ARHGAP11B: variants seen among roughly 807,000 people sequenced by gnomAD.
ARHGAP11B encodes the protein inactive Rho GTPase-activating protein 11B.
A neutral mutation model predicts 27.6 loss-of-function variants in ARHGAP11B; 14 were observed. The observed-to-expected ratio is 0.51, with a 90% CI of 0.34 to 0.79. The LOEUF (loss-of-function observed/expected upper bound fraction) is 0.79. Among genes scored for constraint, ARHGAP11B ranks in the 30% least tolerant of loss-of-function variants. ARHGAP11B has a pLI of 0.02. For missense variants in ARHGAP11B, 245 were observed against 320.1 expected (o/e 0.77, Z 1.79); for synonymous variants, 82 against 114.1 (o/e 0.72, Z 1.80).
At chr15:30,645,287 C>A (rs191479784) in intron 8 of ARHGAP11B, among the ~76,000 whole-genome samples, 92 of 151,580 alleles carry the variant, frequency 6.1e-4, no homozygotes, top group African/African-American at 2.1e-3. Context: ...GAAAATTATT[C>A]ATTGTGGCTA....
At chr15:30,647,999 A>G (rs545018102) in intron 10 of ARHGAP11B, among the ~76,000 whole-genome samples, 27 of 152,000 alleles carry the variant, frequency 1.8e-4, no homozygotes, top group African/African-American at 6.5e-4. Flanking sequence ...GTCTCTCTCT[A>G]TGTTGCCCAG....
In ARHGAP11B at chr15:30,635,760, C is replaced by G. The variant is rs1057128672; in HGVS notation, c.*3+127C>G. The G allele has an allele frequency of 6.8e-6, 6 of 877,800 alleles. 1 individual carries two copies. The Admixed American group carries it at 9.5e-5, about 14-fold the overall frequency. The allele number at this position is 877,800 out of a possible 1,614,324, so 54.4% of individuals were successfully genotyped here. A position where few individuals can be genotyped will look rare whatever the true frequency, so the allele number is the denominator to read the frequency against. Reference sequence around the variant, plus strand: ...TTAAAGCACAGCTGGAAAGATAGGACGTATGCGTGTAAAAAGTTAAAGCGA... The same window carrying G: ...TTAAAGCACAGCTGGAAAGATAGGAGGTATGCGTGTAAAAAGTTAAAGCGA... On this transcript the variant is annotated intron_variant, in intron 6 of 10. Coordinates refer to ENST00000428041, the Ensembl canonical transcript of ARHGAP11B.
At chr15:30,648,791 G>T (rs1264502842) in exon 11 of ARHGAP11B, 14 of 151,920 alleles carry the variant, frequency 9.2e-5, no homozygotes, top group Non-Finnish European at 1.8e-4. Flanking sequence ...ATTATTCTTC[G>T]ATGCTGGTAA....
chr15:30,633,125 ATTTC>A (rs1216105142), intron 2 of ARHGAP11B, among the ~76,000 whole-genome samples: 3 of 150,106 alleles, frequency 2.0e-5, no homozygotes, highest in African/African-American at 4.9e-5. Flanking sequence ...GAAGAGAGCT[ATTTC>A]TTTGGAGTAA....
chr15:30,638,787 A>G lies in ARHGAP11B; in HGVS notation c.*45A>G, dbSNP rs201714414. 2.0e-6 allele frequency: 3 copies of G among 1,487,800 alleles called. No homozygotes were observed. In the East Asian group the frequency reaches 7.6e-5, roughly 38 times the overall value. 92.2% of individuals were successfully genotyped at this position (1,487,800 alleles called of 1,614,324 possible). On this transcript the variant is annotated 3_prime_UTR_variant, in exon 7 of 11. Coordinates refer to ENST00000428041, the Ensembl canonical transcript of ARHGAP11B. ...ACTAAATAAATTTAAACCTAACAGA[A>G]CACCTTCTATTACACCTCAACAAGA...
At chr15:30,642,346 A>G (rs1211738780) in intron 7 of ARHGAP11B, among the ~76,000 whole-genome samples, 2 of 152,030 alleles carry the variant, frequency 1.3e-5, no homozygotes, top group Non-Finnish European at 2.9e-5. Context: ...ATTTCATAAT[A>G]TAAATGGTGT....
exon 1 of ARHGAP11B, chr15:30,626,480 A>G (rs2060207411): frequency 3.2e-6 from 1 of 315,736 alleles, no homozygotes; most frequent in Admixed American, 4.6e-5. Context: ...CAGGAAGTGG[A>G]GAGAATCTGG....
intron 10 of ARHGAP11B, among the ~76,000 whole-genome samples, chr15:30,648,087 C>T (rs1366720024): frequency 6.6e-6 from 1 of 152,000 alleles, no homozygotes; most frequent in African/African-American, 2.4e-5. Context: ...GAGTGAGCCA[C>T]TGCGCCAGGC....
intron 2 of ARHGAP11B, among the ~76,000 whole-genome samples, chr15:30,631,971 A>G (rs2060248717): frequency 2.0e-5 from 3 of 147,574 alleles, no homozygotes; most frequent in African/African-American, 2.5e-5. Flanking sequence ...ATTTTAGTAG[A>G]GATGGGGTTT....
chr15:30,644,766 T>A (rs1400774031), intron 8 of ARHGAP11B: 9 of 1,266,750 alleles, frequency 7.1e-6, no homozygotes, highest in Non-Finnish European at 1.0e-5. Flanking sequence ...ATATGAAATT[T>A]ATTCACAAAT....
intron 1 of ARHGAP11B, among the ~76,000 whole-genome samples, chr15:30,628,707 TGAA>T (rs2060224847): frequency 6.6e-6 from 1 of 152,102 alleles, no homozygotes; most frequent in Admixed American, 6.6e-5. Context: ...AATATTCTAA[TGAA>T]GAAATGTAGA....
At chr15:30,641,995 C>T (rs1275630168) in intron 7 of ARHGAP11B, among the ~76,000 whole-genome samples, 2 of 152,028 alleles carry the variant, frequency 1.3e-5, no homozygotes, top group Non-Finnish European at 2.9e-5. Flanking sequence ...GGATTACAGA[C>T]GTGAGCCACG....
chr15:30,628,062 CCTTTT>C (rs935120270), intron 1 of ARHGAP11B, among the ~76,000 whole-genome samples: 15 of 150,268 alleles, frequency 1.0e-4, no homozygotes, highest in Admixed American at 2.0e-4. Flanking sequence ...TTTTTTCACC[CCTTTT>C]CTTTTCTTTT....
chr15:30,641,008 T>G, intron 7 of ARHGAP11B, among the ~76,000 whole-genome samples: 1 of 151,882 alleles, frequency 6.6e-6, no homozygotes, highest in Non-Finnish European at 1.5e-5. Context: ...GCATTACATT[T>G]TCCCCAAGGA....
chr15:30,628,617 C>G (rs1441201502), intron 1 of ARHGAP11B, among the ~76,000 whole-genome samples: 1 of 152,042 alleles, frequency 6.6e-6, no homozygotes, highest in Non-Finnish European at 1.5e-5. Flanking sequence ...GCCACTTCAT[C>G]TAATGATAGT....
At chr15:30,630,567 T>C (rs1463552330) in intron 1 of ARHGAP11B, 136 bp from the exon 2 acceptor site, 18 of 1,484,292 alleles carry the variant, frequency 1.2e-5, no homozygotes, top group Non-Finnish European at 1.6e-5. Flanking sequence ...GAAATGATTA[T>C]TTTTGTCTTG....
chr15:30,644,427 A>G (rs2060333758), intron 7 of ARHGAP11B, among the ~76,000 whole-genome samples: 1 of 152,050 alleles, frequency 6.6e-6, no homozygotes, highest in African/African-American at 2.4e-5. Context: ...GCTTTATTTT[A>G]TTACAGATAT....
chr15:30,646,091 C>T lies in ARHGAP11B; in HGVS notation c.*143-23C>T, dbSNP rs142440152. The T allele has an allele frequency of 2.3e-4, 168 of 720,496 alleles. 4 individuals are homozygous for T. Among genetic ancestry groups the T allele is most frequent in the Middle Eastern group, 5.5e-4 (1 of 1,816 alleles). 44.6% of individuals were successfully genotyped at this position (720,496 alleles called of 1,614,324 possible). On this transcript the variant is annotated intron_variant, in intron 8 of 10. Coordinates refer to ENST00000428041, the Ensembl canonical transcript of ARHGAP11B. ...AGTTGTTTTTCTCATCATCATACTT[C>T]TGTTATTTTCTTTCCTTGGCAGTGG...
At position 30,635,192 on chromosome 15, in the gene ARHGAP11B, C is replaced by T. The variant is rs1430862541; in HGVS notation, c.660+4C>T. 3.1e-6 allele frequency: 5 copies of T among 1,612,462 alleles called. No homozygotes were observed. The highest frequency in any genetic ancestry group is 1.1e-5 in the South Asian group (1 of 91,042). On this transcript the variant is annotated splice_donor_region_variant and intron_variant, in intron 5 of 10. Coordinates refer to ENST00000428041, the Ensembl canonical transcript of ARHGAP11B. ...GTCTTCTAACGCAGAAAAGAAGGTA[C>T]GATTACAGGCTGCAGTAGTACAGAC... is the stretch of plus-strand genomic sequence containing the variant.
Sources: allele counts gnomAD v4.1 joint callset (sites outside exome capture counted in the v4.1 genomes callset), GRCh38; gene constraint gnomAD v4.1.1; transcripts MANE v1.5; gene names NCBI Gene and HGNC (gene_info 2026-07-23, HGNC 2026-07-21).